NDFIP1: variants seen among roughly 807,000 people sequenced by gnomAD.
NDFIP1 encodes the protein Nedd4 family interacting protein 1.
NDFIP1 carries 7 observed loss-of-function variants against 28.8 expected under a neutral mutation model. The ratio of observed to expected loss-of-function variants is 0.24; its 90% confidence interval spans 0.14 to 0.46. The LOEUF (loss-of-function observed/expected upper bound fraction) is 0.46, where lower values mean the gene tolerates loss of function less well. Ranked by LOEUF, NDFIP1 falls within the 20% of genes least tolerant of loss-of-function variation. The pLI is 0.99. For missense variants in NDFIP1, 194 were observed against 269.1 expected (o/e 0.72, Z 1.95); for synonymous variants, 92 against 101.0 (o/e 0.91, Z 0.53).
intron 1 of NDFIP1, among the ~76,000 whole-genome samples, chr5:142,115,085 T>G (rs976216473): frequency 6.6e-6 from 1 of 152,180 alleles, no homozygotes; most frequent in Non-Finnish European, 1.5e-5. Context: ...TTTCATAATT[T>G]TATGGTAGAT....
At chr5:142,150,815 G>T (rs189477183) in intron 7 of NDFIP1, among the ~76,000 whole-genome samples, 2 of 152,120 alleles carry the variant, frequency 1.3e-5, no homozygotes, top group African/African-American at 4.8e-5. Context: ...GTAAGTTATA[G>T]GCCGATATTT....
rs558423606 is a variant in NDFIP1 at position 142,112,964 on chromosome 5, C to T, written c.63+3927C>T. Among the ~76,000 whole-genome samples, 9 of 152,168 alleles carry T rather than the reference C, an allele frequency of 5.9e-5. No homozygotes were observed. The East Asian group carries it at 1.5e-3, about 26-fold the overall frequency. ...TGTTGCGTGTTTCTCTCTCTGAGGA[C>T]GTTAACTCCCGTTCATCCATAGATG... On this transcript the variant is annotated intron_variant, in intron 1 of 7. Coordinates refer to ENST00000253814, the MANE Select transcript of NDFIP1 (RefSeq NM_030571.4).
chr5:142,144,653 C>G lies in NDFIP1; in HGVS notation c.645C>G (p.Thr215=), dbSNP rs201452768. The change falls in exon 7 of 8, where the codon ACC becomes ACG. Residue 215 remains threonine (T), a synonymous_variant. Transcript: ENST00000253814. ...AAACTTTCTCAAATCTCCCCAGGAC[C>G]AGAGTTCTCTTTATTTATTAAAGGT... ...MPETFSNLPR[T]RVLFIY The G allele has an allele frequency of 6.2e-7, 1 of 1,609,580 alleles. No homozygotes were observed. The highest frequency in any genetic ancestry group is 1.1e-5 in the South Asian group (1 of 90,268).
At chr5:142,132,498 A>C (rs934004921) in intron 3 of NDFIP1, among the ~76,000 whole-genome samples, 156 bp downstream of exon 3, 4 of 152,208 alleles carry the variant, frequency 2.6e-5, no homozygotes, top group Non-Finnish European at 5.9e-5. Context: ...TAATAAACTC[A>C]TCTCTTCTTA....
intron 6 of NDFIP1, among the ~76,000 whole-genome samples, chr5:142,141,355 T>C (rs1757328318): frequency 6.6e-6 from 1 of 151,664 alleles, no homozygotes. Context: ...TTTTTGTATT[T>C]TTAGTAGAGA....
At chr5:142,133,770 G>GT (rs1757248254) in intron 3 of NDFIP1, among the ~76,000 whole-genome samples, 1 of 152,198 alleles carries the variant, frequency 6.6e-6, no homozygotes, top group Non-Finnish European at 1.5e-5. Flanking sequence ...CAGTGGATAG[G>GT]TAAAAAGCTT....
intron 1 of NDFIP1, among the ~76,000 whole-genome samples, chr5:142,121,730 A>ATGGC (rs1375067669): frequency 6.6e-6 from 1 of 152,238 alleles, no homozygotes; most frequent in African/African-American, 2.4e-5. Flanking sequence ...TCATCTGTGT[A>ATGGC]TGGCTACATG....
intron 1 of NDFIP1, among the ~76,000 whole-genome samples, chr5:142,129,090 G>T (rs55976518): frequency 0.27 from 40,765 of 151,880 alleles, 6,836 homozygotes; most frequent in Non-Finnish European, 0.37. Context: ...AATATAAAAC[G>T]GGTTAAGTAT....
chr5:142,115,847 C>G (rs547530544), intron 1 of NDFIP1, among the ~76,000 whole-genome samples: 33 of 152,198 alleles, frequency 2.2e-4, no homozygotes, highest in Middle Eastern at 3.4e-3. Context: ...ATTCAACCAA[C>G]TGCAGATTGA....
At chr5:142,132,049 A>G in intron 2 of NDFIP1, 154 bp downstream of exon 2, 1 of 1,055,112 alleles carries the variant, frequency 9.5e-7, no homozygotes, top group East Asian at 2.6e-5. Flanking sequence ...ACATTTAAAA[A>G]TCACCCCCAG....
At chr5:142,144,492 T>C in intron 6 of NDFIP1, 79 bp from the exon 7 acceptor site, 1 of 1,000,420 alleles carries the variant, frequency 1.0e-6, no homozygotes, top group Non-Finnish European at 1.5e-6. Context: ...AATGTATCGC[T>C]ATCAGGAGAG....
chr5:142,135,640 T>C, intron 3 of NDFIP1, 90 bp from the exon 4 acceptor site: 1 of 1,119,042 alleles, frequency 8.9e-7, no homozygotes, highest in South Asian at 1.3e-5. Flanking sequence ...ACCAAAGCAA[T>C]AACTTTTTTC....
rs751135239 is a variant in NDFIP1 at position 142,131,867 on chromosome 5, T to A, written c.123T>A (p.Pro41=). ...AGGCTGCAGGTGATGCTCCTCCACC[T>A]TACAGCAGCATTTCTGCAGAGAGCG... The part of the protein sequence containing the change: ...PEQAAGDAPP[P]YSSISAESAA... The change falls in exon 2 of 8, where the codon CCT becomes CCA. Residue 41 remains proline (P), a synonymous_variant. Transcript: ENST00000253814. 15 of 1,601,810 alleles carry A rather than the reference T, an allele frequency of 9.4e-6. 1 individual carries two copies. In the South Asian group the frequency reaches 1.5e-4, roughly 16 times the overall value.
chr5:142,112,332 C>G (rs919922047), intron 1 of NDFIP1, among the ~76,000 whole-genome samples: 2 of 151,534 alleles, frequency 1.3e-5, no homozygotes, highest in Non-Finnish European at 2.9e-5. Flanking sequence ...TTTCAGTGAA[C>G]TGAGATCGTG....
intron 6 of NDFIP1, among the ~76,000 whole-genome samples, chr5:142,141,199 A>G (rs1344577452): frequency 8.5e-5 from 8 of 93,696 alleles, no homozygotes; most frequent in Non-Finnish European, 1.4e-4. Context: ...TTTTTTTTAC[A>G]GAGTCTTGCT....
chr5:142,132,722 T>C (rs151101613), intron 3 of NDFIP1, among the ~76,000 whole-genome samples: 13 of 152,278 alleles, frequency 8.5e-5, no homozygotes, highest in African/African-American at 3.1e-4. Context: ...ATTTGTAGAA[T>C]TAAACTCATA....
At chr5:142,128,291 G>GA (rs1467091103) in intron 1 of NDFIP1, among the ~76,000 whole-genome samples, 1 of 152,158 alleles carries the variant, frequency 6.6e-6, no homozygotes, top group Non-Finnish European at 1.5e-5. Flanking sequence ...AAAGTGTCAG[G>GA]AAAGAGCCCG....
At chr5:142,115,064 C>T (rs1423944567) in intron 1 of NDFIP1, among the ~76,000 whole-genome samples, 2 of 152,100 alleles carry the variant, frequency 1.3e-5, no homozygotes, top group African/African-American at 4.8e-5. Flanking sequence ...TTATCCTAGA[C>T]ATTAATTATA....
intron 7 of NDFIP1, 31 bp downstream of exon 7, chr5:142,144,707 G>A (rs373336930): frequency 1.5e-6 from 2 of 1,301,638 alleles, no homozygotes; most frequent in African/African-American, 1.5e-5. Context: ...TCTAGTCCCA[G>A]TGTAACCATG....
Sources: allele counts gnomAD v4.1 joint callset (sites outside exome capture counted in the v4.1 genomes callset), GRCh38; gene constraint gnomAD v4.1.1; transcripts MANE v1.5; gene names NCBI Gene and HGNC (gene_info 2026-07-23, HGNC 2026-07-21).